Variants in DYNC2H1 observed in about 807,000 individuals in gnomAD.
DYNC2H1 encodes cytoplasmic dynein 2 heavy chain 1.
DYNC2H1 carries 410 observed loss-of-function variants against 570.0 expected under a neutral mutation model. That is an observed-to-expected ratio of 0.72 (90% CI 0.66 to 0.78). The LOEUF is 0.78. DYNC2H1 is among the 30% of genes least tolerant of loss of function. DYNC2H1 has a pLI of 0.00. For synonymous variants in DYNC2H1, 1,688 were observed against 1,677.6 expected (o/e 1.01, Z -0.15); for missense variants, 4,865 against 5,046.4 (o/e 0.96, Z 1.09).
chr11:103,297,084 A>T (rs952700780), intron 75 of DYNC2H1, among the ~76,000 whole-genome samples: 1 of 152,130 alleles, frequency 6.6e-6, no homozygotes, highest in African/African-American at 2.4e-5. Context: ...CTGGATTTAA[A>T]TATCATTCTT....
Position 103,156,381 on chromosome 11 carries a change from T to A in DYNC2H1, c.3745-7T>A. On this transcript the variant is annotated splice_region_variant and splice_polypyrimidine_tract_variant and intron_variant, in intron 25 of 88. Transcript: ENST00000375735. Reference sequence around the variant, plus strand: ...AGTAATAAACATGGATATTTTGTGTTAAATAGGATTTAAATAGTCGGGCAC... The same window carrying A: ...AGTAATAAACATGGATATTTTGTGTAAAATAGGATTTAAATAGTCGGGCAC... The A allele has an allele frequency of 1.2e-6, 2 of 1,607,418 alleles. No individual in the cohort carries two copies. The highest frequency in any genetic ancestry group is 1.7e-6 in the Non-Finnish European group (2 of 1,178,252).
At chr11:103,382,279 G>C (rs1389078740) in intron 83 of DYNC2H1, among the ~76,000 whole-genome samples, 1 of 152,134 alleles carries the variant, frequency 6.6e-6, no homozygotes, top group Non-Finnish European at 1.5e-5. Flanking sequence ...AATCTGTTGA[G>C]AGAAAAATAG....
At chr11:103,433,388 C>T (rs1943962264) in intron 84 of DYNC2H1, among the ~76,000 whole-genome samples, 1 of 151,880 alleles carries the variant, frequency 6.6e-6, no homozygotes, top group Admixed American at 6.6e-5. Context: ...CTCTCTTAAC[C>T]ATCTATAGAT....
rs537024904 is a variant in DYNC2H1, at chr11:103,121,516, A to G, written c.1485+20A>G. 2.5e-6 allele frequency: 4 copies of G among 1,609,522 alleles called. No individual in the cohort carries two copies. In the South Asian group the frequency reaches 4.5e-5, roughly 18 times the overall value. On this transcript the variant is annotated intron_variant, in intron 10 of 88. Coordinates refer to ENST00000375735, the MANE Select transcript of DYNC2H1 (RefSeq NM_001377.3). ...TTGAAGGTATTTATTTTAATAAAAGATGAAGAGTACTAATTATAAAATCTG... is the reference window on the plus strand; with the variant it reads ...TTGAAGGTATTTATTTTAATAAAAGGTGAAGAGTACTAATTATAAAATCTG...
At chr11:103,300,568 A>G (rs1451019932) in intron 75 of DYNC2H1, among the ~76,000 whole-genome samples, 1 of 152,058 alleles carries the variant, frequency 6.6e-6, no homozygotes, top group African/African-American at 2.4e-5. Flanking sequence ...AATTCCAAGT[A>G]ACATGAATGT....
At chr11:103,183,288 A>G (rs1315736153) in intron 40 of DYNC2H1, among the ~76,000 whole-genome samples, 1 of 151,888 alleles carries the variant, frequency 6.6e-6, no homozygotes, top group Non-Finnish European at 1.5e-5. Flanking sequence ...CAATGCAGAT[A>G]CTTTGAGGTA....
intron 73 of DYNC2H1, 116 bp downstream of exon 73, chr11:103,283,201 T>A (rs559264425): frequency 1.5e-6 from 1 of 685,808 alleles, no homozygotes; most frequent in African/African-American, 1.9e-5. Flanking sequence ...AGGATGTAAG[T>A]TCCCCCAGTA....
Position 103,199,444 on chromosome 11 carries a change from G to T in DYNC2H1, c.8056G>T (p.Glu2686Ter). Residue 2686 changes from glutamate to a stop codon, truncating the protein, a stop_gained, in exon 49 of 89, where the codon GAA (glutamate) becomes TAA (stop). Coordinates refer to ENST00000375735, the MANE Select transcript of DYNC2H1 (RefSeq NM_001377.3). LOFTEE classifies it high-confidence loss of function. The surrounding 1 kb of genome is among the most constrained non-coding windows in gnomAD (Gnocchi z 4.6). ...TTCTCCAAAGATTTCCAGAGGATATGAACTGAAGCAGTTCAAAAATGATCT... is the reference window on the plus strand; with the variant it reads ...TTCTCCAAAGATTTCCAGAGGATATTAACTGAAGCAGTTCAAAAATGATCT... ...LFSPKISRGY[E>*]LKQFKNDLKH... 6.3e-7 allele frequency: 1 copy of T among 1,596,336 alleles called. No homozygotes were observed. Among genetic ancestry groups the T allele is most frequent in the South Asian group, 1.1e-5 (1 of 86,970 alleles).
chr11:103,283,172 C>T (rs1866212914), intron 73 of DYNC2H1, 87 bp downstream of exon 73: 3 of 1,063,878 alleles, frequency 2.8e-6, no homozygotes, highest in African/African-American at 3.2e-5. Flanking sequence ...TATTCGTAAT[C>T]AGTGTTAACA....
Position 103,259,967 on chromosome 11 carries a change from G to A in DYNC2H1, c.10685G>A (p.Cys3562Tyr). The change falls in exon 70 of 89, where the codon TGT becomes TAT. Residue 3562 changes from cysteine to tyrosine, a missense_variant. Physicochemically the swap from Cys to Tyr is radical, Grantham distance 194. Transcript: ENST00000375735. ...QHMVYEYICR[C>Y]LFKADQLMFA... is the part of the protein sequence containing the mutation. Reference sequence around the variant, plus strand: ...ATGGTATATGAATATATATGTCGTTGTCTATTTAAGGTAAGAAGCATCATA... The same window carrying A: ...ATGGTATATGAATATATATGTCGTTATCTATTTAAGGTAAGAAGCATCATA... 6.7e-7 allele frequency: 1 copy of A among 1,487,844 alleles called. No individual in the cohort carries two copies. The highest frequency in any genetic ancestry group is 9.0e-7 in the Non-Finnish European group (1 of 1,111,118). The allele number at this position is 1,487,844 out of a possible 1,614,324, so 92.2% of individuals were successfully genotyped here.
In DYNC2H1 at chr11:103,243,824, G is replaced by C; in HGVS notation, c.9918+33G>C. On this transcript the variant is annotated intron_variant, in intron 64 of 88. Coordinates refer to ENST00000375735, the MANE Select transcript of DYNC2H1 (RefSeq NM_001377.3). The surrounding 1 kb of genome is among the most constrained non-coding windows in gnomAD (Gnocchi z 4.8). ...TTATTTATAATTTACATACCAATTA[G>C]GAATGACCTCTTATAGTGAAAAGAT... 6.8e-7 allele frequency: 1 copy of C among 1,470,620 alleles called. No individual in the cohort carries two copies. Among genetic ancestry groups the C allele is most frequent in the East Asian group, 2.5e-5 (1 of 40,746 alleles). The allele number at this position is 1,470,620 out of a possible 1,614,324, so 91.1% of individuals were successfully genotyped here.
At chr11:103,263,037 A>G (rs1314540441) in intron 70 of DYNC2H1, among the ~76,000 whole-genome samples, 2 of 149,246 alleles carry the variant, frequency 1.3e-5, no homozygotes, top group Non-Finnish European at 3.0e-5. Context: ...AAAAAAAAAA[A>G]AAAAAAAAAG....
At chr11:103,338,824 CTATT>C (rs1199091804) in intron 82 of DYNC2H1, among the ~76,000 whole-genome samples, 1 of 152,076 alleles carries the variant, frequency 6.6e-6, no homozygotes, top group Non-Finnish European at 1.5e-5. Flanking sequence ...CACTGGTGCC[CTATT>C]TAGTCTGTTT....
Position 103,305,114 on chromosome 11 carries a change from A to G in DYNC2H1, c.11382+394A>G, listed in dbSNP as rs1056092060. 6.6e-6 allele frequency among the ~76,000 whole-genome samples: 1 copy of G among 152,156 alleles called. No individual in the cohort carries two copies. The highest frequency in any genetic ancestry group is 2.4e-5 in the African/African-American group (1 of 41,428). ...GGAAGCTAGAGAATAAACTGAAGCA[A>G]ATGTTTCGTTTATCTCAAATGGACT... On this transcript the variant is annotated intron_variant, in intron 77 of 88. Coordinates refer to ENST00000375735, the MANE Select transcript of DYNC2H1 (RefSeq NM_001377.3). This position sits in a 1 kb window ranked among gnomAD's most constrained non-coding sequence, Gnocchi z 4.3.
At chr11:103,160,806 G>A (rs926383595) in intron 28 of DYNC2H1, 126 bp from the exon 29 acceptor site, 40 of 473,976 alleles carry the variant, frequency 8.4e-5, no homozygotes, top group Middle Eastern at 1.1e-3. Flanking sequence ...TATATTATGT[G>A]GTATACATTA....
chr11:103,448,670 A>C (rs992904183), intron 85 of DYNC2H1, among the ~76,000 whole-genome samples: 2 of 152,182 alleles, frequency 1.3e-5, no homozygotes, highest in African/African-American at 4.8e-5. Flanking sequence ...GAGATAAGAA[A>C]TGCCAGAAAC....
Position 103,299,122 on chromosome 11 carries a change from C to T in DYNC2H1, c.11096-3971C>T, listed in dbSNP as rs146846735. 5.3e-3 allele frequency among the ~76,000 whole-genome samples: 800 copies of T among 151,444 alleles called. 5 individuals carry two copies. Among genetic ancestry groups the T allele is most frequent in the African/African-American group, 0.018 (760 of 41,292 alleles). ...AAATGTAAAGAGACATGTCCCCATA[C>T]GGTGCTACAATAACTACAGTAACCA... On this transcript the variant is annotated intron_variant, in intron 75 of 88. Transcript: ENST00000375735. This position sits in a 1 kb window ranked among gnomAD's most constrained non-coding sequence, Gnocchi z 4.5.
intron 87 of DYNC2H1, among the ~76,000 whole-genome samples, chr11:103,458,364 A>T (rs528270262): frequency 6.6e-6 from 1 of 152,142 alleles, no homozygotes; most frequent in South Asian, 2.1e-4. Context: ...GTTTAAGTAC[A>T]CTCTCATGTT....
rs780781036 is a variant in DYNC2H1, at chr11:103,234,042, G to A, written c.9449G>A (p.Ser3150Asn). 10 of 1,554,550 alleles carry A rather than the reference G, an allele frequency of 6.4e-6. No individual in the cohort carries two copies. The highest frequency in any genetic ancestry group is 4.8e-5 in the South Asian group (4 of 84,174). The change falls in exon 61 of 89, where the codon AGC becomes AAC. Residue 3150 changes from serine (S) to asparagine (N), a missense_variant. Ser to Asn is a conservative substitution (Grantham distance 46). Around this residue, in one of 5 missense-constraint regions of DYNC2H1, gnomAD observed 2,401 missense variants for 2,454.6 expected, o/e 0.98. Coordinates refer to ENST00000375735, the MANE Select transcript of DYNC2H1 (RefSeq NM_001377.3). ...TTTTAATGTTTACATAGATTTCAGA[G>A]CAGGACTTCAGAAGCTGCCAAACTT... ...KVSELKEKFQ[S>N]RTSEAAKLEA...
Sources: allele counts gnomAD v4.1 joint callset (sites outside exome capture counted in the v4.1 genomes callset), GRCh38; gene constraint gnomAD v4.1.1; regional missense constraint gnomAD v4.1.1; non-coding constraint Gnocchi (gnomAD v3.1); transcripts MANE v1.5; gene names NCBI Gene and HGNC (gene_info 2026-07-23, HGNC 2026-07-21).